The following IVD variants were observed in gnomAD, a reference collection of about 807,000 sequenced individuals.
IVD encodes isovaleryl-CoA dehydrogenase.
IVD carries 31 observed loss-of-function variants against 51.3 expected under a neutral mutation model. That is an observed-to-expected ratio of 0.60 (90% confidence interval 0.45 to 0.81). The LOEUF is 0.81. Ranked by LOEUF, IVD falls within the 40% of genes least tolerant of loss-of-function variation. The probability of loss-of-function intolerance (pLI) is 0.00; values close to 1 mark genes in which losing one functional copy is unlikely to be tolerated. For synonymous variants in IVD, 205 were observed against 219.4 expected (o/e 0.93, Z 0.58); for missense variants, 475 against 552.0 (o/e 0.86, Z 1.40).
At chr15:40,433,977 A>G in intron 8 of IVD, 1 of 455,634 alleles carries the variant, frequency 2.2e-6, no homozygotes, top group Non-Finnish European at 4.4e-6. Flanking sequence ...AGTGAACTAG[A>G]CACTGCAAAG....
chr15:40,416,308 C>T lies in IVD; in HGVS notation c.1084C>T (p.Leu362Phe). Residue 362 changes from leucine (L) to phenylalanine (F), a missense_variant, in exon 11 of 12, where the codon CTT becomes TTT. Physicochemically the swap from Leu to Phe is conservative, Grantham distance 22 (BLOSUM62 0). Coordinates refer to ENST00000487418, the MANE Select transcript of IVD (RefSeq NM_002225.5). Reference protein sequence around the residue: ...CTAKDCAGVILYSAECATQVA... With the variant: ...CTAKDCAGVIFYSAECATQVA... ...CCCGTAGGACTGTGCAGGTGTGATT[C>T]TTTACTCAGCTGAGTGTGCCACACA... is the stretch of plus-strand genomic sequence containing the variant. 6.2e-7 allele frequency: 1 copy of T among 1,614,222 alleles called. No homozygotes were observed. The highest frequency in any genetic ancestry group is 1.1e-5 in the South Asian group (1 of 91,086).
chr15:40,427,535 G>T (rs537692614), downstream of IVD, among the ~76,000 whole-genome samples: 1 of 152,152 alleles, frequency 6.6e-6, no homozygotes, highest in Non-Finnish European at 1.5e-5. Flanking sequence ...GCCCCCTCCC[G>T]CAAAGTCTTT....
intron 11 of IVD, among the ~76,000 whole-genome samples, chr15:40,416,954 CT>C (rs1891757664): frequency 6.6e-6 from 1 of 152,104 alleles, no homozygotes; most frequent in African/African-American, 2.4e-5. Flanking sequence ...AATTCCAACA[CT>C]TTAGGAGACT....
At chr15:40,435,803 G>GAAGGAGCAGGCA, downstream of IVD, 1 of 689,188 alleles carries the variant, frequency 1.5e-6, no homozygotes, top group Non-Finnish European at 1.8e-6. Flanking sequence ...AAGAGTGCCT[G>GAAGGAGCAGGCA]CTCCTTCAGG....
downstream of IVD, chr15:40,424,270 C>G (rs1484058261): frequency 1.9e-6 from 2 of 1,036,306 alleles, no homozygotes; most frequent in Admixed American, 5.2e-5. Context: ...CTGGGCCTTC[C>G]CCTTCTGCTG....
At chr15:40,409,968 C>G (rs1283951624) in intron 3 of IVD, among the ~76,000 whole-genome samples, 3 of 151,956 alleles carry the variant, frequency 2.0e-5, no homozygotes, top group Non-Finnish European at 4.4e-5. Context: ...TCCCGAGTAG[C>G]TGGGACTACA....
chr15:40,422,760 T>C (rs62018022), downstream of IVD, among the ~76,000 whole-genome samples: 80 of 61,526 alleles, frequency 1.3e-3, no homozygotes, highest in East Asian at 5.9e-3. Flanking sequence ...CCACCATGCC[T>C]GGCTAATTTT....
At chr15:40,423,912 C>A (rs995394702), downstream of IVD, among the ~76,000 whole-genome samples, 4 of 152,208 alleles carry the variant, frequency 2.6e-5, no homozygotes, top group African/African-American at 9.7e-5. Flanking sequence ...TGGCTGTCCC[C>A]AACCCCTGCC....
chr15:40,426,548 AAAG>A (rs1892684610), downstream of IVD, among the ~76,000 whole-genome samples: 1 of 152,072 alleles, frequency 6.6e-6, no homozygotes, highest in Non-Finnish European at 1.5e-5. Flanking sequence ...AAAAAAAAAA[AAAG>A]AAAAGAAAAA....
At position 40,418,808 on chromosome 15, in the gene IVD, T is replaced by G; in HGVS notation, c.*545T>G. The G allele has an allele frequency of 9.5e-7, 1 of 1,051,998 alleles. No individual in the cohort carries two copies. The highest frequency in any genetic ancestry group is 2.5e-5 in the South Asian group (1 of 39,218). The allele number at this position is 1,051,998 out of a possible 1,614,324, so 65.2% of individuals were successfully genotyped here. A position where few individuals can be genotyped will look rare whatever the true frequency, so the allele number is the denominator to read the frequency against. ...GCATTTTGGATAAGGCAAATTCAAC[T>G]TTCAGTCTCTTTTCTGGGGGAAAAA... On this transcript the variant is annotated 3_prime_UTR_variant, in exon 12 of 12. Coordinates refer to ENST00000487418, the MANE Select transcript of IVD (RefSeq NM_002225.5).
At position 40,419,532 on chromosome 15, in the gene IVD, C is replaced by T. The variant is rs757344224; in HGVS notation, c.*1269C>T. 4.7e-5 allele frequency: 10 copies of T among 212,616 alleles called. No homozygotes were observed. Among genetic ancestry groups the T allele is most frequent in the Non-Finnish European group, 8.8e-5 (9 of 102,852 alleles). The allele number at this position is 212,616 out of a possible 1,614,324, so 13.2% of individuals were successfully genotyped here. On this transcript the variant is annotated 3_prime_UTR_variant, in exon 12 of 12. Transcript: ENST00000487418. ...TCTCAAAAAAGGAAAGAAAAATAGG[C>T]TGGGCACAGTGACTCATGCCTGTAA...
downstream of IVD, chr15:40,424,219 A>G: frequency 7.8e-7 from 1 of 1,286,138 alleles, no homozygotes; most frequent in Non-Finnish European, 1.0e-6. Context: ...CAGCACCTGT[A>G]AGATCTAAGG....
In IVD at chr15:40,415,418, TG is replaced by T; in HGVS notation, c.898del (p.Asp300ThrfsTer9). ...TCTGACAGGCTCATGCAAGCGGTCC[TG>T]GACCACACCATTCCCTACCTGCACG... Reference protein sequence around the residue: ...GGPLGLMQAVLDHTIPYLHVR... With the variant: ...GGPLGLMQAVXDHTIPYLHVR... On this transcript the variant is annotated frameshift_variant, in exon 9 of 12. Transcript: ENST00000487418. LOFTEE classifies it high-confidence loss of function. The T allele has an allele frequency of 1.2e-6, 2 of 1,614,186 alleles. No individual in the cohort carries two copies. The highest frequency in any genetic ancestry group is 1.7e-6 in the Non-Finnish European group (2 of 1,180,024).
At chr15:40,434,259 A>T (rs72733449) in intron 8 of IVD, among the ~76,000 whole-genome samples, 17,073 of 152,238 alleles carry the variant, frequency 0.11, 1,076 homozygotes, top group Non-Finnish European at 0.13. Flanking sequence ...AATCTCCAAA[A>T]ATTTCAGCAT....
chr15:40,418,634 C>G lies in IVD; in HGVS notation c.*371C>G. On this transcript the variant is annotated 3_prime_UTR_variant, in exon 12 of 12. Transcript: ENST00000487418. Reference sequence around the variant, plus strand: ...CCCAGGGTAGGCACCTGGGGGCATGCAGGTACCCACCTCTTTCTCTTGGGT... The same window carrying G: ...CCCAGGGTAGGCACCTGGGGGCATGGAGGTACCCACCTCTTTCTCTTGGGT... The G allele has an allele frequency of 8.8e-7, 1 of 1,135,312 alleles. No individual in the cohort carries two copies. The highest frequency in any genetic ancestry group is 6.2e-5 in the East Asian group (1 of 16,124). The allele number at this position is 1,135,312 out of a possible 1,614,324, so 70.3% of individuals were successfully genotyped here. A position where few individuals can be genotyped will look rare whatever the true frequency, so the allele number is the denominator to read the frequency against.
chr15:40,410,615 A>T lies in IVD; in HGVS notation c.287-13A>T. ...GCTGCGTTTTCCACTCCCTTGTACC[A>T]CACCACTCACAGTTCAGTATGGCGG... is the stretch of plus-strand genomic sequence containing the variant. On this transcript the variant is annotated splice_polypyrimidine_tract_variant and intron_variant, in intron 3 of 11. Transcript: ENST00000487418. 6.2e-7 allele frequency: 1 copy of T among 1,614,104 alleles called. No individual in the cohort carries two copies. Among genetic ancestry groups the T allele is most frequent in the Non-Finnish European group, 8.5e-7 (1 of 1,180,020 alleles).
rs1272406521 is a variant in IVD, at chr15:40,433,872, G to T, written c.739G>T (p.Gly247Ter). The T allele has an allele frequency of 2.2e-6, 1 of 456,696 alleles. No homozygotes were observed. The allele number at this position is 456,696 out of a possible 1,614,324, so 28.3% of individuals were successfully genotyped here. ...TCTCCAGCCTGGGTCCATGGATCTTGGAGTGTGTTCAGTAAACATCTGCTC... is the reference window on the plus strand; with the variant it reads ...TCTCCAGCCTGGGTCCATGGATCTTTGAGTGTGTTCAGTAAACATCTGCTC... Residue 247 changes from glycine (G) to a stop codon, truncating the protein, a stop_gained, in exon 8 of 9, where the codon GGA becomes TGA. Coordinates refer to the IVD transcript ENST00000473112. LOFTEE classifies it low-confidence loss of function (END_TRUNC).
At position 40,413,083 on chromosome 15, in the gene IVD, T is replaced by G; in HGVS notation, c.780T>G (p.Ile260Met). Residue 260 changes from isoleucine (I) to methionine (M), a missense_variant, in exon 7 of 12, where the codon ATT becomes ATG. Coordinates refer to ENST00000487418, the MANE Select transcript of IVD (RefSeq NM_002225.5). ...TCELIFEDCK[I>M]PAANILGHEN... ...AGCTAATCTTTGAAGACTGCAAGAT[T>G]CCTGGTAAGTAGCACCGGGAATCGG... 6.2e-7 allele frequency: 1 copy of G among 1,612,620 alleles called. No individual in the cohort carries two copies. Among genetic ancestry groups the G allele is most frequent in the Non-Finnish European group, 8.5e-7 (1 of 1,178,982 alleles).
chr15:40,433,548 A>G (rs1343127064), intron 7 of IVD, among the ~76,000 whole-genome samples: 1 of 152,132 alleles, frequency 6.6e-6, no homozygotes, highest in African/African-American at 2.4e-5. Flanking sequence ...CTCAGGGGAG[A>G]AGTCATACTC....
Sources: allele counts gnomAD v4.1 joint callset (sites outside exome capture counted in the v4.1 genomes callset), GRCh38; gene constraint gnomAD v4.1.1; transcripts MANE v1.5; gene names NCBI Gene and HGNC (gene_info 2026-07-23, HGNC 2026-07-21).